GABRG3: variants seen among roughly 807,000 people sequenced by gnomAD.
GABRG3 encodes the protein gamma-aminobutyric acid receptor subunit gamma-3.
GABRG3 carries 25 observed loss-of-function variants against 48.8 expected under a neutral mutation model. The ratio of observed to expected loss-of-function variants is 0.51; its 90% confidence interval spans 0.37 to 0.72. GABRG3 has a LOEUF of 0.72. Among genes scored for constraint, GABRG3 ranks in the 30% least tolerant of loss-of-function variants. The pLI, the probability that GABRG3 is intolerant of heterozygous loss-of-function variation, is 0.00. For synonymous variants in GABRG3, 227 were observed against 217.6 expected, an observed-to-expected ratio of 1.04 and a Z score of -0.38; for missense variants, 394 against 577.9, an observed-to-expected ratio of 0.68 and a Z score of 3.26.
intron 3 of GABRG3, among the ~76,000 whole-genome samples, chr15:27,287,719 C>A (rs556721119): frequency 1.4e-5 from 2 of 146,552 alleles, no homozygotes; most frequent in Non-Finnish European, 1.5e-5. Context: ...TCTATTCATT[C>A]AAGATGATTT....
At chr15:27,085,463 T>A (rs1415126449) in intron 3 of GABRG3, among the ~76,000 whole-genome samples, 1 of 152,228 alleles carries the variant, frequency 6.6e-6, no homozygotes, top group Non-Finnish European at 1.5e-5. Flanking sequence ...CTGGGATATG[T>A]GCCTAGAAAT....
rs1891465222 is a variant in GABRG3, at chr15:27,532,963, G to T, written c.*82G>T. On this transcript the variant is annotated 3_prime_UTR_variant, in exon 10 of 10. Transcript: ENST00000615808. ...CCCCAGACCAGTAGTGACCAATCGG[G>T]AGTAGCAAGGAAGGACACTGCCCAG... 1.5e-6 allele frequency: 2 copies of T among 1,340,442 alleles called. No individual in the cohort carries two copies. Among genetic ancestry groups the T allele is most frequent in the Non-Finnish European group, 2.1e-6 (2 of 975,250 alleles). The allele number at this position is 1,340,442 out of a possible 1,614,324, so 83.0% of individuals were successfully genotyped here. A position where few individuals can be genotyped will look rare whatever the true frequency, so the allele number is the denominator to read the frequency against.
chr15:27,500,427 A>G (rs747487418), intron 6 of GABRG3, among the ~76,000 whole-genome samples: 1 of 152,160 alleles, frequency 6.6e-6, no homozygotes, highest in Non-Finnish European at 1.5e-5. Flanking sequence ...CTCCACCGCG[A>G]CTTCCCTTAG....
intron 3 of GABRG3, among the ~76,000 whole-genome samples, chr15:27,307,945 A>G (rs1039186898): frequency 5.8e-5 from 8 of 137,558 alleles, no homozygotes; most frequent in African/African-American, 1.8e-4. Flanking sequence ...ATATAAACAT[A>G]TATGTAAAAT....
chr15:27,095,493 TGGAA>T, intron 3 of GABRG3, among the ~76,000 whole-genome samples: 1 of 152,284 alleles, frequency 6.6e-6, no homozygotes, highest in Non-Finnish European at 1.5e-5. Flanking sequence ...GCGAATGTGC[TGGAA>T]GGTGTGGTAT....
chr15:27,041,176 G>A (rs548556540), intron 3 of GABRG3, among the ~76,000 whole-genome samples: 1 of 152,178 alleles, frequency 6.6e-6, no homozygotes, highest in East Asian at 1.9e-4. Flanking sequence ...TAGTTTATGT[G>A]TGCTTTTTAA....
chr15:27,161,906 T>C (rs1242778859), intron 3 of GABRG3, among the ~76,000 whole-genome samples: 1 of 152,190 alleles, frequency 6.6e-6, no homozygotes, highest in Non-Finnish European at 1.5e-5. Flanking sequence ...GCTGCCATTA[T>C]TGTGTGCTAC....
chr15:27,204,862 A>G (rs989255538), intron 3 of GABRG3, among the ~76,000 whole-genome samples: 1 of 152,126 alleles, frequency 6.6e-6, no homozygotes, highest in Non-Finnish European at 1.5e-5. Flanking sequence ...GTGTGTAGAA[A>G]TGCTACTGAT....
intron 5 of GABRG3, among the ~76,000 whole-genome samples, chr15:27,405,191 C>G (rs1887594217): frequency 6.6e-6 from 1 of 151,918 alleles, no homozygotes; most frequent in Non-Finnish European, 1.5e-5. Context: ...AAATAAGATC[C>G]CTATACACAT....
chr15:27,246,216 T>A (rs898565687), intron 3 of GABRG3, among the ~76,000 whole-genome samples: 2 of 152,156 alleles, frequency 1.3e-5, no homozygotes, highest in Non-Finnish European at 2.9e-5. Flanking sequence ...CCTGATGACA[T>A]GTGGATGCAG....
At chr15:27,323,067 C>T (rs1893486714) in intron 3 of GABRG3, among the ~76,000 whole-genome samples, 1 of 151,992 alleles carries the variant, frequency 6.6e-6, no homozygotes, top group Non-Finnish European at 1.5e-5. Context: ...ACAAACTGCT[C>T]CTAATGGGGA....
intron 3 of GABRG3, among the ~76,000 whole-genome samples, chr15:27,064,164 C>T (rs769216524): frequency 5.3e-5 from 8 of 152,262 alleles, no homozygotes; most frequent in East Asian, 1.9e-4. Flanking sequence ...AGAGGAAGTC[C>T]GCAGCCTCTC....
chr15:26,999,780 C>A (rs1895410124), intron 2 of GABRG3, among the ~76,000 whole-genome samples: 1 of 152,094 alleles, frequency 6.6e-6, no homozygotes, highest in Admixed American at 6.6e-5. Flanking sequence ...TGATCTACAG[C>A]TTGTTGATGC....
intron 5 of GABRG3, among the ~76,000 whole-genome samples, chr15:27,329,304 C>T (rs1366169101): frequency 2.0e-5 from 3 of 152,104 alleles, no homozygotes; most frequent in Non-Finnish European, 4.4e-5. Flanking sequence ...GCTCTCGTCG[C>T]CCAGGCTGGA....
chr15:27,222,650 G>A (rs1389167453), intron 3 of GABRG3, among the ~76,000 whole-genome samples: 2 of 152,188 alleles, frequency 1.3e-5, no homozygotes, highest in Non-Finnish European at 2.9e-5. Flanking sequence ...CCCAAGAGAG[G>A]AGCTCTGTGC....
intron 3 of GABRG3, among the ~76,000 whole-genome samples, chr15:27,036,515 T>G: frequency 6.6e-6 from 1 of 152,138 alleles, no homozygotes; most frequent in Middle Eastern, 3.4e-3. Context: ...CATGGTGAAA[T>G]ACCGTCTCTA....
At chr15:27,336,282 CAG>C (rs1044000328) in intron 5 of GABRG3, among the ~76,000 whole-genome samples, 3 of 138,122 alleles carry the variant, frequency 2.2e-5, no homozygotes, top group Admixed American at 2.2e-4. Flanking sequence ...GAAGGAGAGA[CAG>C]AGAGAGAAAA....
rs1888975027 is a variant in GABRG3, at chr15:27,447,404, G to GTACA, written c.575-33246_575-33245insTACA. On this transcript the variant is annotated intron_variant, in intron 5 of 9. Coordinates refer to ENST00000615808, the MANE Select transcript of GABRG3 (RefSeq NM_033223.5). The surrounding 1 kb of genome is among the most constrained non-coding windows in gnomAD (Gnocchi z 4.0). ...CTATGGGAAATGGGGAGTCACTGAG[G>GTACA]ATTTTAGTCAGAAAAATTGTATAAT... Among the ~76,000 whole-genome samples, 2 of 152,162 alleles carry GTACA rather than the reference G, an allele frequency of 1.3e-5. No homozygotes were observed. The highest frequency in any genetic ancestry group is 2.9e-5 in the Non-Finnish European group (2 of 68,026).
At chr15:27,488,019 G>A (rs779275381) in intron 6 of GABRG3, among the ~76,000 whole-genome samples, 12 of 152,114 alleles carry the variant, frequency 7.9e-5, no homozygotes, top group East Asian at 1.9e-4. Context: ...GCTGTGGAGC[G>A]CAGCACTCTA....
Sources: gnomAD v4.1 joint callset for allele counts (sites outside exome capture counted in the v4.1 genomes callset) on GRCh38, gnomAD v4.1.1 for gene constraint, Gnocchi (gnomAD v3.1) non-coding constraint, MANE v1.5 for transcripts, NCBI Gene and HGNC (gene_info 2026-07-23, HGNC 2026-07-21) for gene names.